The following USP25 variants were observed in gnomAD, a reference collection of about 807,000 sequenced individuals.
USP25 encodes ubiquitin carboxyl-terminal hydrolase 25.
In USP25, 85 loss-of-function variants were observed where a neutral mutation model predicts 158.5. That is an observed-to-expected ratio of 0.54 (90% CI 0.45 to 0.64). The LOEUF is 0.64. USP25 is among the 30% of genes least tolerant of loss of function. The pLI is 0.00. For missense variants in USP25, 1,242 were observed against 1,327.3 expected (o/e 0.94, Z 1.00); for synonymous variants, 464 against 460.4 (o/e 1.01, Z -0.10).
chr21:15,839,862 T>C (rs1301538842), intron 17 of USP25, among the ~76,000 whole-genome samples: 1 of 152,138 alleles, frequency 6.6e-6, no homozygotes, highest in African/African-American at 2.4e-5. Flanking sequence ...TGAAGTATCC[T>C]TCATCTTAAA....
At chr21:15,744,764 T>G (rs920322877) in intron 1 of USP25, 6 of 152,252 alleles carry the variant, frequency 3.9e-5, no homozygotes, top group African/African-American at 1.2e-4. Flanking sequence ...AATTTTTGTA[T>G]TTTTACTAGA....
At chr21:15,781,098 G>T (rs1405666939) in intron 4 of USP25, among the ~76,000 whole-genome samples, 4 of 152,194 alleles carry the variant, frequency 2.6e-5, no homozygotes, top group Non-Finnish European at 1.5e-5. Context: ...AAAAGTATCA[G>T]CAACAGTGAG....
chr21:15,802,823 C>G (rs934716675), intron 6 of USP25, among the ~76,000 whole-genome samples: 1 of 151,412 alleles, frequency 6.6e-6, no homozygotes, highest in Admixed American at 6.6e-5. Context: ...AATCTGTGAA[C>G]CAAATATCAG....
intron 1 of USP25, among the ~76,000 whole-genome samples, chr21:15,739,131 A>G (rs559554162): frequency 6.6e-6 from 1 of 152,258 alleles, no homozygotes; most frequent in African/African-American, 2.4e-5. Flanking sequence ...GTCCTGCTAC[A>G]TCATGATTAA....
chr21:15,765,928 A>G, intron 2 of USP25, 69 bp from the exon 3 acceptor site: 1 of 1,499,934 alleles, frequency 6.7e-7, no homozygotes, highest in Non-Finnish European at 9.0e-7. Flanking sequence ...TATGGAGAAT[A>G]TTGTATAACT....
intron 5 of USP25, 107 bp from the exon 6 acceptor site, chr21:15,799,650 T>C: frequency 1.6e-6 from 1 of 616,076 alleles, no homozygotes; most frequent in South Asian, 3.1e-5. Flanking sequence ...TGATTCTGAG[T>C]ATAAGTAGTA....
At chr21:15,754,119 G>A (rs902070808) in intron 1 of USP25, among the ~76,000 whole-genome samples, 1 of 152,070 alleles carries the variant, frequency 6.6e-6, no homozygotes, top group South Asian at 2.1e-4. Flanking sequence ...TTACTCTTGT[G>A]TCCGCAGTTT....
intron 1 of USP25, chr21:15,743,995 G>A (rs2077658510): frequency 6.4e-6 from 1 of 155,676 alleles, no homozygotes; most frequent in Middle Eastern, 5.2e-4. Context: ...ACTTAGAACA[G>A]TGGAACTTAC....
chr21:15,799,748 C>CT lies in USP25; in HGVS notation c.556-4dup. ...CCTCAGGTTATGTTAAATTGTTGTT[C>CT]TTTTTCAGTCATTATTTAATCTTTT... On this transcript the variant is annotated splice_polypyrimidine_tract_variant and intron_variant, in intron 5 of 25. Transcript: ENST00000400183. 6.4e-7 allele frequency: 1 copy of CT among 1,566,234 alleles called. No individual in the cohort carries two copies. The highest frequency in any genetic ancestry group is 1.2e-5 in the South Asian group (1 of 85,994).
chr21:15,755,110 G>C (rs555531509), intron 1 of USP25, among the ~76,000 whole-genome samples: 51 of 151,860 alleles, frequency 3.4e-4, no homozygotes, highest in Non-Finnish European at 6.6e-4. Flanking sequence ...TTAGCAGTGC[G>C]TGTGATTCTG....
At chr21:15,786,246 C>G (rs1053538115) in intron 4 of USP25, among the ~76,000 whole-genome samples, 1 of 152,046 alleles carries the variant, frequency 6.6e-6, no homozygotes, top group Non-Finnish European at 1.5e-5. Flanking sequence ...TCAAACTATT[C>G]CAGAAAATTA....
intron 8 of USP25, among the ~76,000 whole-genome samples, chr21:15,810,901 T>A (rs1208929446): frequency 6.6e-6 from 1 of 152,208 alleles, no homozygotes; most frequent in Non-Finnish European, 1.5e-5. Flanking sequence ...TAGCTCATTT[T>A]AACTCCTATG....
chr21:15,806,667 G>A (rs1185367021), intron 7 of USP25, among the ~76,000 whole-genome samples: 1 of 152,022 alleles, frequency 6.6e-6, no homozygotes, highest in East Asian at 1.9e-4. Context: ...TTCTTTAGAG[G>A]CCTTTTAAAG....
chr21:15,767,647 C>G (rs549874346), intron 3 of USP25, among the ~76,000 whole-genome samples: 27 of 151,932 alleles, frequency 1.8e-4, no homozygotes, highest in African/African-American at 6.0e-4. Context: ...TTTCAAAGTT[C>G]CAAGACTCGA....
chr21:15,803,741 G>A (rs763821498), intron 6 of USP25, among the ~76,000 whole-genome samples: 2 of 151,852 alleles, frequency 1.3e-5, no homozygotes, highest in Non-Finnish European at 1.5e-5. Context: ...GGGTACTTTT[G>A]AAAGTAATTT....
At chr21:15,778,104 A>G (rs1207805881) in intron 4 of USP25, 77 bp downstream of exon 4, 13 of 1,305,174 alleles carry the variant, frequency 1.0e-5, no homozygotes, top group African/African-American at 1.5e-5. Flanking sequence ...AATTAATTTT[A>G]AGAGGTAATA....
At chr21:15,839,134 T>G (rs2146428330) in intron 17 of USP25, among the ~76,000 whole-genome samples, 1 of 152,262 alleles carries the variant, frequency 6.6e-6, no homozygotes, top group South Asian at 2.1e-4. Flanking sequence ...CATGGTGAAA[T>G]GAGTGCATTT....
chr21:15,744,951 T>C (rs2032406858), intron 1 of USP25: 1 of 151,828 alleles, frequency 6.6e-6, no homozygotes, highest in Admixed American at 6.6e-5. Context: ...AGCAGAAGAG[T>C]GTGTAGAATT....
intron 10 of USP25, among the ~76,000 whole-genome samples, chr21:15,819,859 T>TC (rs71807014): frequency 1.3e-5 from 2 of 151,550 alleles, no homozygotes; most frequent in African/African-American, 2.4e-5. Context: ...TTTTTCCTCT[T>TC]CCCCCCCACA....
Sources: gnomAD v4.1 joint callset for allele counts (sites outside exome capture counted in the v4.1 genomes callset) on GRCh38, gnomAD v4.1.1 for gene constraint, MANE v1.5 for transcripts, NCBI Gene and HGNC (gene_info 2026-07-23, HGNC 2026-07-21) for gene names.